Variants in PNP observed in about 807,000 individuals in gnomAD.
PNP encodes purine nucleoside phosphorylase.
PNP carries 18 observed loss-of-function variants against 26.8 expected under a neutral mutation model. The observed-to-expected ratio is 0.67, with a 90% CI of 0.46 to 1.00. The LOEUF is 1.00. Ranked by LOEUF, PNP falls within the 50% of genes least tolerant of loss-of-function variation. The pLI, the probability that PNP is intolerant of heterozygous loss-of-function variation, is 0.00. For synonymous variants in PNP, 116 were observed against 124.8 expected (o/e 0.93, Z 0.47); for missense variants, 320 against 362.9 (o/e 0.88, Z 0.96).
At chr14:20,475,566 C>A (rs1882086659) in intron 5 of PNP, among the ~76,000 whole-genome samples, 1 of 151,724 alleles carries the variant, frequency 6.6e-6, no homozygotes, top group South Asian at 2.1e-4. Flanking sequence ...CTCACTGCAA[C>A]CTCCGCCTCC....
At chr14:20,476,205 C>G (rs1450155429) in intron 5 of PNP, among the ~76,000 whole-genome samples, 179 bp from the exon 6 acceptor site, 4 of 152,216 alleles carry the variant, frequency 2.6e-5, no homozygotes, top group Non-Finnish European at 4.4e-5. Flanking sequence ...CTCCCGGGCT[C>G]AAGACATCCT....
In PNP at chr14:20,474,488, C is replaced by A. The variant is rs751459955; in HGVS notation, c.198C>A (p.Gly66=). The A allele has an allele frequency of 6.2e-7, 1 of 1,614,064 alleles. No homozygotes were observed. The highest frequency in any genetic ancestry group is 1.1e-5 in the South Asian group (1 of 91,076). Residue 66 remains glycine (G), a synonymous_variant, in exon 3 of 6, where the codon GGC becomes GGA. Transcript: ENST00000361505. ...TGTATACAGTGCCAGGTCATGCTGGCCGACTGGTGTTTGGGTTCCTGAATG... is the reference window on the plus strand; with the variant it reads ...TGTATACAGTGCCAGGTCATGCTGGACGACTGGTGTTTGGGTTCCTGAATG... ...FPRSTVPGHA[G]RLVFGFLNGR... is the part of the protein sequence containing the mutation.
At chr14:20,471,197 A>T (rs1182690910) in intron 1 of PNP, among the ~76,000 whole-genome samples, 3 of 90,670 alleles carry the variant, frequency 3.3e-5, no homozygotes, top group African/African-American at 4.7e-5. Flanking sequence ...CGCCCGGCTA[A>T]TTTTTTTTTT....
In PNP at chr14:20,475,059, T is replaced by TA. The variant is rs746657601; in HGVS notation, c.462-2dup. On this transcript the variant is annotated splice_polypyrimidine_tract_variant and splice_region_variant and intron_variant, in intron 4 of 5. Transcript: ENST00000361505. Reference sequence around the variant, plus strand: ...ATGTGAGATAATTCAACCTGTGTCCTAGGTTTGGAGATCGTTTCCCTGCCA... The same window carrying TA: ...ATGTGAGATAATTCAACCTGTGTCCTAAGGTTTGGAGATCGTTTCCCTGCCA... The TA allele has an allele frequency of 6.2e-7, 1 of 1,614,178 alleles. No homozygotes were observed. Among genetic ancestry groups the TA allele is most frequent in the South Asian group, 1.1e-5 (1 of 91,082 alleles).
chr14:20,471,720 A>T (rs1464427541), intron 1 of PNP, among the ~76,000 whole-genome samples: 1 of 152,174 alleles, frequency 6.6e-6, no homozygotes. Context: ...TTGGCTGAGG[A>T]AGGAACTGGA....
At chr14:20,472,276 C>G (rs1882001754) in intron 1 of PNP, 32 bp from the exon 2 acceptor site, 1 of 1,593,254 alleles carries the variant, frequency 6.3e-7, no homozygotes, top group African/African-American at 1.3e-5. Context: ...GGAATGGGAG[C>G]AGAATTCACC....
At chr14:20,469,767 AGGGGACAGGTC>A (rs1404619846) in intron 1 of PNP, 1 of 643,244 alleles carries the variant, frequency 1.6e-6, no homozygotes, top group Admixed American at 2.4e-5. Context: ...CGGAGCAGGA[AGGGGACAGGTC>A]GGTGCGGTCT....
At chr14:20,469,624 G>A in intron 1 of PNP, 89 bp downstream of exon 1, 13 of 1,513,928 alleles carry the variant, frequency 8.6e-6, no homozygotes, top group Non-Finnish European at 1.1e-5. Context: ...GAGGGAGCTG[G>A]CGGAGGGAGC....
chr14:20,475,292 G>C, intron 5 of PNP, 40 bp downstream of exon 5: 1 of 1,579,010 alleles, frequency 6.3e-7, no homozygotes, highest in Non-Finnish European at 8.7e-7. Context: ...AAGAGGGAGG[G>C]GTTTAGCAAA....
At position 20,469,446 on chromosome 14, in the gene PNP, A is replaced by G. The variant is rs983250095; in HGVS notation, c.-79A>G. ...ACCCGGCAGCCTTGCTCAGTTCAGC[A>G]TAGCGGAGCGGATCCGATCGGATCG... On this transcript the variant is annotated 5_prime_UTR_variant, in exon 1 of 6. Transcript: ENST00000361505. 1.4e-5 allele frequency: 22 copies of G among 1,535,418 alleles called. No individual in the cohort carries two copies. The highest frequency in any genetic ancestry group is 2.8e-5 in the African/African-American group (2 of 72,724).
At position 20,476,723 on chromosome 14, in the gene PNP, T is replaced by C; in HGVS notation, c.*122T>C. ...TGTAGCAGAAAGGAAAAGATTCCTG[T>C]CCTTCACCTTTCCCACTTTCTTCTA... On this transcript the variant is annotated 3_prime_UTR_variant, in exon 6 of 6. Coordinates refer to ENST00000361505, the MANE Select transcript of PNP (RefSeq NM_000270.4). 1 of 786,398 alleles carries C rather than the reference T, an allele frequency of 1.3e-6. No individual in the cohort carries two copies. Among genetic ancestry groups the C allele is most frequent in the African/African-American group, 1.7e-5 (1 of 58,964 alleles). The allele number at this position is 786,398 out of a possible 1,614,324, so 48.7% of individuals were successfully genotyped here. A position where few individuals can be genotyped will look rare whatever the true frequency, so the allele number is the denominator to read the frequency against.
rs764771101 is a variant in PNP, at chr14:20,472,507, C to T, written c.181+30C>T. The stretch of plus-strand genomic sequence containing the variant: ...TGGCAAGGGAAAGTGGGGAATGGGA[C>T]TGAGGGATGTTCTTGGAATTCTGTG... On this transcript the variant is annotated intron_variant, in intron 2 of 5. Coordinates refer to ENST00000361505, the MANE Select transcript of PNP (RefSeq NM_000270.4). 4 of 1,601,962 alleles carry T rather than the reference C, an allele frequency of 2.5e-6. No individual in the cohort carries two copies. In the African/African-American group the frequency reaches 4.0e-5, roughly 16 times the overall value.
At position 20,470,439 on chromosome 14, in the gene PNP, G is replaced by A. The variant is rs956730887; in HGVS notation, c.11+904G>A. 2.6e-5 allele frequency: 4 copies of A among 152,456 alleles called. No individual in the cohort carries two copies. In the East Asian group the frequency reaches 7.7e-4, roughly 29 times the overall value. The allele number at this position is 152,456 out of a possible 1,614,324, so 9.4% of individuals were successfully genotyped here. A position where few individuals can be genotyped will look rare whatever the true frequency, so the allele number is the denominator to read the frequency against. ...AGCCCCCAACCTACCTGATCCAACT[G>A]CTTCCCTGAGGGTAGCCTGGTGTAT... On this transcript the variant is annotated intron_variant, in intron 1 of 5. Coordinates refer to ENST00000361505, the MANE Select transcript of PNP (RefSeq NM_000270.4).
chr14:20,476,603 C>T lies in PNP; in HGVS notation c.*2C>T, dbSNP rs1177300031. ...CCACTCCCTGACAAAGCCAGTTGAC[C>T]TGCCTTGGAGTCGTCTGGCATCTCC... On this transcript the variant is annotated 3_prime_UTR_variant, in exon 6 of 6. Coordinates refer to ENST00000361505, the MANE Select transcript of PNP (RefSeq NM_000270.4). 6.2e-7 allele frequency: 1 copy of T among 1,613,620 alleles called. No individual in the cohort carries two copies. The highest frequency in any genetic ancestry group is 2.2e-5 in the East Asian group (1 of 44,884).
At chr14:20,470,961 C>A (rs1403124645) in intron 1 of PNP, among the ~76,000 whole-genome samples, 2 of 152,126 alleles carry the variant, frequency 1.3e-5, no homozygotes, top group Non-Finnish European at 2.9e-5. Flanking sequence ...AATATTGGGA[C>A]TAGAATCTAG....
At position 20,476,913 on chromosome 14, in the gene PNP, G is replaced by T. The variant is rs1422991750; in HGVS notation, c.*312G>T. The T allele has an allele frequency of 2.4e-6, 1 of 415,760 alleles. No individual in the cohort carries two copies. The highest frequency in any genetic ancestry group is 4.5e-6 in the Non-Finnish European group (1 of 220,880). The allele number at this position is 415,760 out of a possible 1,614,324, so 25.8% of individuals were successfully genotyped here. A position where few individuals can be genotyped will look rare whatever the true frequency, so the allele number is the denominator to read the frequency against. ...ACATCTGTGGAGATGCCCAGGATTT[G>T]ACTCGGGCCTTAGAACTTTGCATAG... On this transcript the variant is annotated 3_prime_UTR_variant, in exon 6 of 6. Coordinates refer to ENST00000361505, the MANE Select transcript of PNP (RefSeq NM_000270.4).
chr14:20,474,892 T>C lies in PNP; in HGVS notation c.405T>C (p.His135=), dbSNP rs143595260. Residue 135 remains histidine, a synonymous_variant, in exon 4 of 6, where the codon CAT becomes CAC. Coordinates refer to ENST00000361505, the MANE Select transcript of PNP (RefSeq NM_000270.4). ...EVGDIMLIRD[H]INLPGFSGQN... ...GAGATATCATGCTGATCCGTGACCATATCAACCTACCTGGTTTCAGTGGTC... is the reference window on the plus strand; with the variant it reads ...GAGATATCATGCTGATCCGTGACCACATCAACCTACCTGGTTTCAGTGGTC... The C allele has an allele frequency of 1.4e-5, 23 of 1,614,224 alleles. No homozygotes were observed. Among genetic ancestry groups the C allele is most frequent in the Non-Finnish European group, 1.9e-5 (23 of 1,180,026 alleles).
At position 20,476,627 on chromosome 14, in the gene PNP, C is replaced by G; in HGVS notation, c.*26C>G. 1 of 1,589,808 alleles carries G rather than the reference C, an allele frequency of 6.3e-7. No individual in the cohort carries two copies. ...CCTGCCTTGGAGTCGTCTGGCATCT[C>G]CCACACAAGACCCAAGTAGCTGCTA... On this transcript the variant is annotated 3_prime_UTR_variant, in exon 6 of 6. Transcript: ENST00000361505.
At chr14:20,474,140 A>G (rs748740564) in intron 2 of PNP, 8 of 323,594 alleles carry the variant, frequency 2.5e-5, no homozygotes, top group Non-Finnish European at 4.2e-5. Flanking sequence ...ATTTCTGAGT[A>G]TCTACTTTTT....
Sources: allele counts gnomAD v4.1 joint callset (sites outside exome capture counted in the v4.1 genomes callset), GRCh38; gene constraint gnomAD v4.1.1; transcripts MANE v1.5; gene names NCBI Gene and HGNC (gene_info 2026-07-23, HGNC 2026-07-21).